GRM3: variants seen among roughly 807,000 people sequenced by gnomAD.
GRM3 encodes the protein glutamate metabotropic receptor 3.
In GRM3, 26 loss-of-function variants were observed where a neutral mutation model predicts 70.5. The ratio of observed to expected loss-of-function variants is 0.37; its 90% CI spans 0.27 to 0.51. The LOEUF is 0.51. Among genes scored for constraint, GRM3 ranks in the 20% least tolerant of loss-of-function variants. The pLI, the probability that GRM3 is intolerant of heterozygous loss-of-function variation, is 0.93. For missense variants in GRM3, 859 were observed against 1,123.8 expected (o/e 0.76, Z 3.37); for synonymous variants, 443 against 434.9 (o/e 1.02, Z -0.23).
At chr7:86,670,048 AC>A (rs1201949837) in intron 1 of GRM3, among the ~76,000 whole-genome samples, 1 of 152,146 alleles carries the variant, frequency 6.6e-6, no homozygotes, top group Non-Finnish European at 1.5e-5. Flanking sequence ...CTTCTAAAGC[AC>A]CCTCATTACC....
chr7:86,717,395 A>G (rs1361854869), intron 1 of GRM3, among the ~76,000 whole-genome samples: 3 of 151,976 alleles, frequency 2.0e-5, no homozygotes, highest in Admixed American at 1.3e-4. Flanking sequence ...ACTGCCTACA[A>G]TATGATAGAT....
rs1033806113 is a variant in GRM3, at chr7:86,737,158, G to A, written c.-140-27848G>A. On this transcript the variant is annotated intron_variant, in intron 1 of 5. Coordinates refer to ENST00000361669, the MANE Select transcript of GRM3 (RefSeq NM_000840.3). The stretch of plus-strand genomic sequence containing the variant: ...ATAAGCAAAACCTTGAGCTTGAGGG[G>A]ATGGACATAGGAGATAAAGACCTAG... Among the ~76,000 whole-genome samples the A allele has an allele frequency of 7.9e-5, 12 of 152,294 alleles. 1 individual carries two copies. The highest frequency in any genetic ancestry group is 2.9e-4 in the African/African-American group (12 of 41,558).
intron 5 of GRM3, among the ~76,000 whole-genome samples, chr7:86,856,052 C>G (rs1413477272): frequency 1.3e-5 from 2 of 152,140 alleles, no homozygotes; most frequent in Non-Finnish European, 2.9e-5. Flanking sequence ...GCAGGAAGAA[C>G]TAGAGTATTC....
intron 5 of GRM3, among the ~76,000 whole-genome samples, chr7:86,855,722 C>A (rs1375642042): frequency 6.6e-6 from 1 of 152,122 alleles, no homozygotes; most frequent in East Asian, 1.9e-4. Flanking sequence ...CAGCTACAAC[C>A]ATAGAAAGCA....
At chr7:86,847,538 A>G (rs1386330859) in intron 4 of GRM3, among the ~76,000 whole-genome samples, 1 of 152,202 alleles carries the variant, frequency 6.6e-6, no homozygotes, top group East Asian at 1.9e-4. Context: ...GACATCATCA[A>G]TATTTAAGCC....
intron 1 of GRM3, among the ~76,000 whole-genome samples, chr7:86,696,526 G>T (rs1039384163): frequency 6.6e-6 from 1 of 152,164 alleles, no homozygotes; most frequent in Admixed American, 6.6e-5. Flanking sequence ...CTCCAGAACT[G>T]CAAGAGAATA....
At chr7:86,680,622 A>G (rs530888661) in intron 1 of GRM3, among the ~76,000 whole-genome samples, 48 of 152,238 alleles carry the variant, frequency 3.2e-4, no homozygotes, top group African/African-American at 1.0e-3. Flanking sequence ...CCTATAGCAT[A>G]ATTTAGACAA....
At chr7:86,770,652 G>A (rs1225012773) in intron 2 of GRM3, among the ~76,000 whole-genome samples, 3 of 152,088 alleles carry the variant, frequency 2.0e-5, no homozygotes, top group Non-Finnish European at 4.4e-5. Context: ...TTAAGCATTG[G>A]TTTCTTTCAA....
chr7:86,750,333 G>A (rs1326295180), intron 1 of GRM3, among the ~76,000 whole-genome samples: 4 of 152,084 alleles, frequency 2.6e-5, no homozygotes. Flanking sequence ...TAGCATGCTT[G>A]TGTAATACAG....
intron 2 of GRM3, among the ~76,000 whole-genome samples, chr7:86,776,439 A>G (rs1796893661): frequency 6.6e-6 from 1 of 152,168 alleles, no homozygotes; most frequent in African/African-American, 2.4e-5. Context: ...CAAGAAAACA[A>G]TGAATAACAC....
chr7:86,711,685 T>C (rs931381081), intron 1 of GRM3, among the ~76,000 whole-genome samples: 1 of 152,128 alleles, frequency 6.6e-6, no homozygotes, highest in Non-Finnish European at 1.5e-5. Flanking sequence ...CAACTTATAG[T>C]TAATTAATTA....
At chr7:86,749,489 A>C (rs1796180901) in intron 1 of GRM3, among the ~76,000 whole-genome samples, 3 of 152,050 alleles carry the variant, frequency 2.0e-5, no homozygotes, top group Non-Finnish European at 4.4e-5. Context: ...GCCACAAGTA[A>C]AAGAAACATC....
At chr7:86,714,209 C>T (rs1326150350) in intron 1 of GRM3, among the ~76,000 whole-genome samples, 1 of 151,974 alleles carries the variant, frequency 6.6e-6, no homozygotes, top group Non-Finnish European at 1.5e-5. Context: ...TAATAAAATA[C>T]TTACAAATTT....
intron 1 of GRM3, among the ~76,000 whole-genome samples, chr7:86,684,920 A>G (rs562217548): frequency 5.5e-4 from 83 of 152,278 alleles, no homozygotes; most frequent in Middle Eastern, 6.8e-3. Context: ...GATGACCTAT[A>G]TCAGAGAGAT....
At chr7:86,684,126 C>T (rs1272373835) in intron 1 of GRM3, among the ~76,000 whole-genome samples, 1 of 152,050 alleles carries the variant, frequency 6.6e-6, no homozygotes, top group African/African-American at 2.4e-5. Flanking sequence ...CCGGGAACTG[C>T]CACTCCCTCC....
chr7:86,696,780 C>T lies in GRM3; in HGVS notation c.-141+51908C>T, dbSNP rs571584990. Among the ~76,000 whole-genome samples, 3 of 152,202 alleles carry T rather than the reference C, an allele frequency of 2.0e-5. No individual in the cohort carries two copies. In the South Asian group the frequency reaches 6.2e-4, roughly 32 times the overall value. Reference sequence around the variant, plus strand: ...CAAACACTGGGTTAGATGTCTTACCCACATTGTCTCTTGTGCTTTCCCAAC... The same window carrying T: ...CAAACACTGGGTTAGATGTCTTACCTACATTGTCTCTTGTGCTTTCCCAAC... On this transcript the variant is annotated intron_variant, in intron 1 of 5. Transcript: ENST00000361669.
chr7:86,776,821 C>T (rs376971584), intron 2 of GRM3, among the ~76,000 whole-genome samples: 1 of 152,178 alleles, frequency 6.6e-6, no homozygotes, highest in Non-Finnish European at 1.5e-5. Flanking sequence ...GTCATGCTTT[C>T]GCAGGTGTTG....
In GRM3 at chr7:86,796,602, C is replaced by T. The variant is rs186446060; in HGVS notation, c.1324+9486C>T. 1.4e-3 allele frequency among the ~76,000 whole-genome samples: 216 copies of T among 152,140 alleles called. 1 individual carries two copies. Among genetic ancestry groups the T allele is most frequent in the Non-Finnish European group, 2.4e-3 (161 of 67,988 alleles). On this transcript the variant is annotated intron_variant, in intron 3 of 5. Transcript: ENST00000361669. The stretch of plus-strand genomic sequence containing the variant: ...GTTTCCCTAATTCTGTGAAGAATGT[C>T]GATGGTAATTTAGTGGGAAAAGCAT...
chr7:86,692,439 T>A (rs188457675), intron 1 of GRM3, among the ~76,000 whole-genome samples: 33 of 152,352 alleles, frequency 2.2e-4, no homozygotes, highest in African/African-American at 7.2e-4. Context: ...CCTTCAGACC[T>A]GTTAGTCTTT....
Sources: allele counts gnomAD v4.1 joint callset (sites outside exome capture counted in the v4.1 genomes callset), GRCh38; gene constraint gnomAD v4.1.1; transcripts MANE v1.5; gene names NCBI Gene and HGNC (gene_info 2026-07-23, HGNC 2026-07-21).